DISP1: variants seen among roughly 807,000 people sequenced by gnomAD.
DISP1 encodes protein dispatched homolog 1.
Under a neutral mutation model 37.3 loss-of-function variants are expected in DISP1, and 30 were observed. That is an observed-to-expected ratio of 0.80 (90% CI 0.60 to 1.09). DISP1 has a LOEUF of 1.09. Ranked by LOEUF, DISP1 falls within the 50% of genes least tolerant of loss-of-function variation. The pLI is 0.00. For missense variants in DISP1, 1,598 were observed against 1,879.5 expected, an observed-to-expected ratio of 0.85 and a Z score of 2.77; for synonymous variants, 634 against 690.2, an observed-to-expected ratio of 0.92 and a Z score of 1.28.
intron 2 of DISP1, among the ~76,000 whole-genome samples, chr1:222,936,355 G>A (rs1673722720): frequency 6.6e-6 from 1 of 151,824 alleles, no homozygotes; most frequent in African/African-American, 2.4e-5. Context: ...TCATAATCCT[G>A]ATAGCATTTT....
At chr1:222,888,443 A>G (rs575272760) in intron 1 of DISP1, among the ~76,000 whole-genome samples, 1 of 152,208 alleles carries the variant, frequency 6.6e-6, no homozygotes, top group Middle Eastern at 3.4e-3. Flanking sequence ...TTAAAGTACA[A>G]TTTTCTTTGG....
chr1:222,955,593 A>T (rs1218644201), intron 3 of DISP1, among the ~76,000 whole-genome samples: 1 of 151,626 alleles, frequency 6.6e-6, no homozygotes, highest in Non-Finnish European at 1.5e-5. Context: ...TTTCACTTTC[A>T]GTACCGTATT....
intron 2 of DISP1, among the ~76,000 whole-genome samples, chr1:222,940,803 G>T (rs1674324164): frequency 6.6e-6 from 1 of 152,182 alleles, no homozygotes; most frequent in Non-Finnish European, 1.5e-5. Flanking sequence ...ACAGGTGGAG[G>T]TTGGAGAAAA....
chr1:222,873,870 G>T (rs1370939512), intron 1 of DISP1, among the ~76,000 whole-genome samples: 1 of 152,116 alleles, frequency 6.6e-6, no homozygotes, highest in Non-Finnish European at 1.5e-5. Context: ...TCCTAGCCTT[G>T]ATGGTCTTTA....
At chr1:222,911,615 G>T (rs1672212715) in intron 1 of DISP1, among the ~76,000 whole-genome samples, 1 of 152,022 alleles carries the variant, frequency 6.6e-6, no homozygotes, top group South Asian at 2.1e-4. Context: ...TCCTGGGATT[G>T]CTCAAACAAT....
intron 1 of DISP1, among the ~76,000 whole-genome samples, chr1:222,907,651 G>A (rs1033549304): frequency 6.6e-6 from 1 of 152,196 alleles, no homozygotes; most frequent in African/African-American, 2.4e-5. Flanking sequence ...TAAATTGAAT[G>A]ATTTAAAGAT....
chr1:222,960,971 TTAG>T (rs1423228574), intron 3 of DISP1, among the ~76,000 whole-genome samples: 1 of 152,100 alleles, frequency 6.6e-6, no homozygotes, highest in Non-Finnish European at 1.5e-5. Flanking sequence ...GAGGCAGTAA[TTAG>T]TAGTCTGCCA....
chr1:222,981,662 T>C (rs1267415748), intron 3 of DISP1, among the ~76,000 whole-genome samples: 2 of 151,984 alleles, frequency 1.3e-5, no homozygotes, highest in Non-Finnish European at 1.5e-5. Context: ...AGAGAGAAAA[T>C]AGGAAAGAGA....
chr1:222,876,508 A>G (rs1389531039), intron 1 of DISP1, among the ~76,000 whole-genome samples: 1 of 152,216 alleles, frequency 6.6e-6, no homozygotes, highest in East Asian at 1.9e-4. Context: ...TAAAATATCA[A>G]GACTAAATGC....
At chr1:222,861,812 A>G (rs1668894719) in intron 1 of DISP1, among the ~76,000 whole-genome samples, 1 of 152,240 alleles carries the variant, frequency 6.6e-6, no homozygotes, top group Non-Finnish European at 1.5e-5. Context: ...GGCCATATTA[A>G]CAACTCATTT....
In DISP1 at chr1:223,003,037, G is replaced by A. The variant is rs765609888; in HGVS notation, c.1640G>A (p.Arg547His). The change falls in exon 9 of 9, where the codon CGT becomes CAT. Residue 547 changes from arginine to histidine, a missense_variant. Coordinates refer to ENST00000675850, the MANE Select transcript of DISP1 (RefSeq NM_001377229.1). The surrounding 1 kb of genome is among the most constrained non-coding windows in gnomAD (Gnocchi z 4.3). ...TTGATTGTTTCCTATTTTCTCTATC[G>A]TGTAGTATTTCACTTCGAATTTTTT... ...SSLIVSYFLY[R>H]VVFHFEFFPF... 1.6e-5 allele frequency: 26 copies of A among 1,613,776 alleles called. No individual in the cohort carries two copies. Among genetic ancestry groups the A allele is most frequent in the South Asian group, 6.6e-5 (6 of 91,084 alleles).
chr1:222,933,895 C>T, intron 2 of DISP1, among the ~76,000 whole-genome samples: 1 of 151,892 alleles, frequency 6.6e-6, no homozygotes, highest in East Asian at 1.9e-4. Flanking sequence ...GCTGTCAGGT[C>T]ACAATTACAT....
At chr1:222,866,924 T>A (rs924632687) in intron 1 of DISP1, among the ~76,000 whole-genome samples, 1 of 152,202 alleles carries the variant, frequency 6.6e-6, no homozygotes, top group South Asian at 2.1e-4. Flanking sequence ...ATAAATTCAG[T>A]CCAATGAAGA....
chr1:222,853,441 C>T (rs1371531711), intron 1 of DISP1, among the ~76,000 whole-genome samples: 1 of 152,112 alleles, frequency 6.6e-6, no homozygotes, highest in Non-Finnish European at 1.5e-5. Flanking sequence ...CATTTGTACC[C>T]CCATATTTAT....
At chr1:222,991,202 A>G (rs1212118277) in intron 5 of DISP1, among the ~76,000 whole-genome samples, 1 of 152,264 alleles carries the variant, frequency 6.6e-6, no homozygotes, top group African/African-American at 2.4e-5. Flanking sequence ...AGTGCGTAAC[A>G]TGATTTAATT....
chr1:222,846,201 G>C (rs1667885107), intron 1 of DISP1, among the ~76,000 whole-genome samples: 1 of 152,146 alleles, frequency 6.6e-6, no homozygotes, highest in Admixed American at 6.5e-5. Flanking sequence ...GCAATGAAAA[G>C]AGTGAAAAGG....
chr1:222,820,331 C>A (rs1662525545), intron 1 of DISP1, among the ~76,000 whole-genome samples: 1 of 152,130 alleles, frequency 6.6e-6, no homozygotes, highest in Admixed American at 6.6e-5. Flanking sequence ...ACGTGTGATA[C>A]CCATGGGGCT....
chr1:222,936,782 TATA>T (rs1673814390), intron 2 of DISP1, among the ~76,000 whole-genome samples: 1 of 79,210 alleles, frequency 1.3e-5, no homozygotes, highest in Non-Finnish European at 2.2e-5. Flanking sequence ...ATATATCATA[TATA>T]ATATATATAA....
At chr1:222,900,180 T>C (rs924672061) in intron 1 of DISP1, among the ~76,000 whole-genome samples, 12 of 152,216 alleles carry the variant, frequency 7.9e-5, no homozygotes, top group African/African-American at 2.7e-4. Context: ...ACAGCAGTTA[T>C]GAATTTAGGC....
Sources: allele counts gnomAD v4.1 joint callset (sites outside exome capture counted in the v4.1 genomes callset), GRCh38; gene constraint gnomAD v4.1.1; non-coding constraint Gnocchi (gnomAD v3.1); transcripts MANE v1.5; gene names NCBI Gene and HGNC (gene_info 2026-07-23, HGNC 2026-07-21).